The following COL22A1 variants were observed in gnomAD, a reference collection of about 807,000 sequenced individuals.
COL22A1 encodes the protein collagen alpha-1(XXII) chain.
Under a neutral mutation model 248.9 loss-of-function variants are expected in COL22A1, and 221 were observed. The ratio of observed to expected loss-of-function variants is 0.89; its 90% CI spans 0.80 to 0.99. COL22A1 has a LOEUF of 0.99. COL22A1 is among the 50% of genes least tolerant of loss of function. The probability of loss-of-function intolerance (pLI) is 0.00; values close to 1 mark genes in which losing one functional copy is unlikely to be tolerated. For synonymous variants in COL22A1, 891 were observed against 793.4 expected (o/e 1.12, Z -2.07); for missense variants, 2,240 against 2,179.0 (o/e 1.03, Z -0.56).
rs367714822 is a variant in COL22A1 at position 138,684,483 on chromosome 8, T to C, written c.2968-14A>G. On this transcript the variant is annotated splice_polypyrimidine_tract_variant and intron_variant, in intron 38 of 64. Coordinates refer to ENST00000303045, the MANE Select transcript of COL22A1 (RefSeq NM_152888.3). ...TCCACGGAGTCCCTGGAGAAATAAA[T>C]AATACAAGGACAATCATGGAGCTGA... The C allele has an allele frequency of 3.5e-5, 56 of 1,598,474 alleles. No individual in the cohort carries two copies. The African/African-American group carries it at 6.0e-4, about 17-fold the overall frequency.
intron 11 of COL22A1, among the ~76,000 whole-genome samples, chr8:138,799,895 T>C (rs982162209): frequency 6.6e-6 from 1 of 152,226 alleles, no homozygotes; most frequent in Non-Finnish European, 1.5e-5. Context: ...TCTGGTAAAC[T>C]AGCTTTGGTA....
chr8:138,781,088 A>C, intron 12 of COL22A1, 108 bp from the exon 13 acceptor site: 2 of 769,476 alleles, frequency 2.6e-6, no homozygotes, highest in Non-Finnish European at 4.3e-6. Flanking sequence ...ATTGTGACCA[A>C]GACTGCTGCT....
At chr8:138,746,004 A>C (rs1832071570) in intron 22 of COL22A1, among the ~76,000 whole-genome samples, 1 of 152,202 alleles carries the variant, frequency 6.6e-6, no homozygotes, top group Non-Finnish European at 1.5e-5. Flanking sequence ...GCAGGCAAGC[A>C]GGCAGGCGGG....
chr8:138,828,798 G>A (rs746200640), intron 5 of COL22A1, among the ~76,000 whole-genome samples: 2 of 151,934 alleles, frequency 1.3e-5, no homozygotes, highest in Non-Finnish European at 2.9e-5. Flanking sequence ...CCCAGGCTCT[G>A]AGGGGTTAAC....
In COL22A1 at chr8:138,845,657, C is replaced by T. The variant is rs1035995281; in HGVS notation, c.659-1499G>A. On this transcript the variant is annotated intron_variant, in intron 3 of 64. Transcript: ENST00000303045. ...CCATGCTGACTACACTCCCGCCTACCCTCTGTGGCTTAGAGAAGTCTCTTA... is the reference window on the plus strand; with the variant it reads ...CCATGCTGACTACACTCCCGCCTACTCTCTGTGGCTTAGAGAAGTCTCTTA... Among the ~76,000 whole-genome samples, 5 of 152,130 alleles carry T rather than the reference C, an allele frequency of 3.3e-5. No homozygotes were observed. In the East Asian group the frequency reaches 9.6e-4, roughly 29 times the overall value.
intron 1 of COL22A1, among the ~76,000 whole-genome samples, chr8:138,886,052 C>A (rs1824641950): frequency 1.3e-5 from 2 of 152,162 alleles, no homozygotes; most frequent in African/African-American, 4.8e-5. Flanking sequence ...CTCCTGGTAC[C>A]CTCTGCAGGC....
intron 10 of COL22A1, 28 bp downstream of exon 10, chr8:138,807,740 A>G: frequency 2.5e-6 from 4 of 1,610,518 alleles, no homozygotes; most frequent in Non-Finnish European, 3.4e-6. Flanking sequence ...GAGGTTCTAA[A>G]CTACACCTCT....
chr8:138,722,524 A>T (rs1385349017), intron 25 of COL22A1, among the ~76,000 whole-genome samples: 1 of 152,162 alleles, frequency 6.6e-6, no homozygotes, highest in African/African-American at 2.4e-5. Flanking sequence ...TGTCCTTCAA[A>T]AAAGCAAAAC....
chr8:138,667,236 A>G (rs960238798), intron 41 of COL22A1, among the ~76,000 whole-genome samples: 4 of 152,196 alleles, frequency 2.6e-5, no homozygotes, highest in African/African-American at 9.7e-5. Flanking sequence ...ATTTTACCCT[A>G]ATACCCAGAT....
chr8:138,730,697 C>G (rs530767955), intron 23 of COL22A1, among the ~76,000 whole-genome samples: 1 of 152,214 alleles, frequency 6.6e-6, no homozygotes, highest in East Asian at 1.9e-4. Context: ...AGAATGAAAA[C>G]AGAGAGACAA....
In COL22A1 at chr8:138,863,776, G is replaced by T. The variant is rs904459827; in HGVS notation, c.658+13974C>A. ...ACAATGTAGGAGGCAGTGAGGTGGG[G>T]TCTAGATTCACTTATAATAGATAAT... is the stretch of plus-strand genomic sequence containing the variant. On this transcript the variant is annotated intron_variant, in intron 3 of 64. Coordinates refer to ENST00000303045, the MANE Select transcript of COL22A1 (RefSeq NM_152888.3). Among the ~76,000 whole-genome samples, 4 of 152,128 alleles carry T rather than the reference G, an allele frequency of 2.6e-5. No individual in the cohort carries two copies. The South Asian group carries it at 8.3e-4, about 32-fold the overall frequency.
At chr8:138,780,571 C>G (rs1280777787) in intron 13 of COL22A1, among the ~76,000 whole-genome samples, 1 of 152,150 alleles carries the variant, frequency 6.6e-6, no homozygotes, top group African/African-American at 2.4e-5. Context: ...TTGCTTGGGT[C>G]TCACTCTGAC....
intron 11 of COL22A1, among the ~76,000 whole-genome samples, chr8:138,802,141 G>A (rs1158935653): frequency 6.6e-6 from 1 of 152,034 alleles, no homozygotes; most frequent in Admixed American, 6.5e-5. Flanking sequence ...CCATTTTACA[G>A]ATGAGAAAAC....
At chr8:138,796,949 TTAGA>T in intron 11 of COL22A1, 92 bp from the exon 12 acceptor site, 1 of 888,586 alleles carries the variant, frequency 1.1e-6, no homozygotes, top group Non-Finnish European at 1.9e-6. Flanking sequence ...TTTGAAAGGA[TTAGA>T]TATTTTCTCA....
At chr8:138,672,165 C>G (rs1205791506) in intron 41 of COL22A1, among the ~76,000 whole-genome samples, 1 of 152,164 alleles carries the variant, frequency 6.6e-6, no homozygotes, top group Admixed American at 6.5e-5. Context: ...CTACCATGTC[C>G]TAACGGTGAC....
At chr8:138,716,423 A>T in intron 28 of COL22A1, 134 bp from the exon 29 acceptor site, 1 of 647,892 alleles carries the variant, frequency 1.5e-6, no homozygotes, top group East Asian at 2.7e-5. Flanking sequence ...CATGGAAAGC[A>T]ATGCAGTGGA....
At chr8:138,693,557 C>T in intron 35 of COL22A1, 89 bp downstream of exon 35, 2 of 1,373,700 alleles carry the variant, frequency 1.5e-6, no homozygotes, top group South Asian at 1.2e-5. Flanking sequence ...CTAGCTAGCC[C>T]AGAGCTGTGA....
At chr8:138,815,378 C>T (rs762660502) in intron 7 of COL22A1, among the ~76,000 whole-genome samples, 5 of 152,134 alleles carry the variant, frequency 3.3e-5, no homozygotes, top group African/African-American at 7.2e-5. Context: ...GCACGAAAGC[C>T]GAACTCTTGC....
intron 3 of COL22A1, among the ~76,000 whole-genome samples, chr8:138,872,482 T>C (rs1423448952): frequency 6.6e-6 from 1 of 152,136 alleles, no homozygotes; most frequent in African/African-American, 2.4e-5. Flanking sequence ...AAAATAGAAG[T>C]AGGTGGAGGC....
Sources: allele counts gnomAD v4.1 joint callset (sites outside exome capture counted in the v4.1 genomes callset), GRCh38; gene constraint gnomAD v4.1.1; transcripts MANE v1.5; gene names NCBI Gene and HGNC (gene_info 2026-07-23, HGNC 2026-07-21).